Variants in NCKAP5 observed in about 807,000 individuals in gnomAD.
The protein encoded by NCKAP5 is NCK associated protein 5.
In NCKAP5, 92 loss-of-function variants were observed where a neutral mutation model predicts 167.0. The observed-to-expected ratio is 0.55, with a 90% CI of 0.47 to 0.66. The LOEUF (loss-of-function observed/expected upper bound fraction) is 0.66. NCKAP5 is among the 30% of genes least tolerant of loss of function. The pLI, the probability that NCKAP5 is intolerant of heterozygous loss-of-function variation, is 0.00. For missense variants in NCKAP5, 2,378 were observed against 2,315.0 expected, an observed-to-expected ratio of 1.03 and a Z score of -0.56; for synonymous variants, 891 against 877.4, an observed-to-expected ratio of 1.02 and a Z score of -0.27.
At chr2:133,283,750 A>T (rs889968203) in intron 4 of NCKAP5, among the ~76,000 whole-genome samples, 18 of 151,898 alleles carry the variant, frequency 1.2e-4, no homozygotes, top group African/African-American at 4.1e-4. Flanking sequence ...AGCTGGAATT[A>T]CAGGCACCTG....
chr2:132,680,066 G>A (rs1239118605), intron 19 of NCKAP5, among the ~76,000 whole-genome samples: 1 of 152,092 alleles, frequency 6.6e-6, no homozygotes, highest in Non-Finnish European at 1.5e-5. Context: ...GACCTTTGGT[G>A]ATCACTAGAG....
intron 19 of NCKAP5, among the ~76,000 whole-genome samples, chr2:132,711,535 A>G (rs932666320): frequency 1.3e-5 from 2 of 152,206 alleles, no homozygotes; most frequent in African/African-American, 4.8e-5. Context: ...ACCTTTTTGA[A>G]CATTTTCTAG....
chr2:132,984,952 A>T (rs1437373414), intron 7 of NCKAP5, among the ~76,000 whole-genome samples: 1 of 150,198 alleles, frequency 6.7e-6, no homozygotes, highest in African/African-American at 2.5e-5. Flanking sequence ...ACACTTACTA[A>T]AGGGCAACAT....
intron 16 of NCKAP5, among the ~76,000 whole-genome samples, chr2:132,757,481 C>T (rs1279908720): frequency 6.6e-6 from 1 of 152,158 alleles, no homozygotes; most frequent in Non-Finnish European, 1.5e-5. Context: ...TCTGGCACAT[C>T]CTCTTTGAAT....
intron 16 of NCKAP5, among the ~76,000 whole-genome samples, chr2:132,749,377 T>C (rs1273612044): frequency 6.6e-6 from 1 of 152,082 alleles, no homozygotes; most frequent in Non-Finnish European, 1.5e-5. Context: ...CTAATTTTTG[T>C]ATTTTTTGTA....
At chr2:133,518,516 G>A (rs1684211879) in intron 2 of NCKAP5, among the ~76,000 whole-genome samples, 1 of 150,702 alleles carries the variant, frequency 6.6e-6, no homozygotes, top group African/African-American at 2.4e-5. Context: ...CACCATGCCA[G>A]GCTGATTTTT....
chr2:133,360,804 T>A lies in NCKAP5; in HGVS notation c.70-57694A>T, dbSNP rs1685048969. On this transcript the variant is annotated intron_variant, in intron 3 of 19. Transcript: ENST00000409261. The stretch of plus-strand genomic sequence containing the variant: ...AGGGAGGAAAATAGGAGAACACTTT[T>A]GTAAGAATATAAAAGGAAAATAATA... Among the ~76,000 whole-genome samples, 3 of 151,998 alleles carry A rather than the reference T, an allele frequency of 2.0e-5. 1 individual carries two copies. In the South Asian group the frequency reaches 6.2e-4, roughly 32 times the overall value.
intron 8 of NCKAP5, among the ~76,000 whole-genome samples, chr2:132,938,487 T>C (rs13430725): frequency 0.046 from 7,053 of 152,242 alleles, 509 homozygotes; most frequent in African/African-American, 0.16. Context: ...TCTATGCCTG[T>C]CTGGCTACTG....
In NCKAP5 at chr2:133,135,649, C is replaced by T. The variant is rs140108375; in HGVS notation, c.208-5538G>A. The stretch of plus-strand genomic sequence containing the variant: ...AAATATAATAAATTAAATAATGCTA[C>T]CAGCTTTTAGTTTGTACCACACCAT... On this transcript the variant is annotated intron_variant, in intron 5 of 19. Coordinates refer to ENST00000409261, the MANE Select transcript of NCKAP5 (RefSeq NM_207363.3). 2.2e-3 allele frequency among the ~76,000 whole-genome samples: 341 copies of T among 151,900 alleles called. 4 individuals carry two copies. Among genetic ancestry groups the T allele is most frequent in the African/African-American group, 7.6e-3 (316 of 41,470 alleles).
At chr2:132,903,702 T>C (rs1236703830) in intron 8 of NCKAP5, among the ~76,000 whole-genome samples, 1 of 152,198 alleles carries the variant, frequency 6.6e-6, no homozygotes. Context: ...GTCTATCTTT[T>C]GGAGGGTTTT....
intron 5 of NCKAP5, among the ~76,000 whole-genome samples, chr2:133,209,158 A>G (rs2150153512): frequency 6.6e-6 from 1 of 152,058 alleles, no homozygotes; most frequent in African/African-American, 2.4e-5. Flanking sequence ...TTTTATGCAT[A>G]CCAATATTGA....
At position 132,831,922 on chromosome 2, in the gene NCKAP5, G is replaced by A. The variant is rs562694145; in HGVS notation, c.807+28570C>T. 1.2e-4 allele frequency among the ~76,000 whole-genome samples: 18 copies of A among 152,068 alleles called. No individual in the cohort carries two copies. In the East Asian group the frequency reaches 3.5e-3, roughly 29 times the overall value. ...ATGAATTTTTTAGAAATACATTGAT[G>A]AATCCCTATTGTTTCATCTATTGAT... On this transcript the variant is annotated intron_variant, in intron 11 of 19. Transcript: ENST00000409261.
At chr2:132,794,263 T>TATAG (rs762281677) in intron 12 of NCKAP5, among the ~76,000 whole-genome samples, 11 of 11,918 alleles carry the variant, frequency 9.2e-4, no homozygotes, top group East Asian at 2.8e-3. Flanking sequence ...TATATATATA[T>TATAG]AGAGAGAGAG....
At chr2:133,238,774 C>T (rs1475667543) in intron 4 of NCKAP5, among the ~76,000 whole-genome samples, 1 of 152,168 alleles carries the variant, frequency 6.6e-6, no homozygotes, top group Non-Finnish European at 1.5e-5. Context: ...TTTGAAAAAA[C>T]ATTTCAAGTA....
At chr2:133,482,909 C>T (rs1357450833) in intron 3 of NCKAP5, among the ~76,000 whole-genome samples, 2 of 152,104 alleles carry the variant, frequency 1.3e-5, no homozygotes, top group African/African-American at 4.8e-5. Flanking sequence ...TCCTGTGATA[C>T]AGTTTTCTCT....
intron 5 of NCKAP5, among the ~76,000 whole-genome samples, chr2:133,202,380 ATT>A (rs2085735795): frequency 6.6e-6 from 1 of 152,218 alleles, no homozygotes; most frequent in Non-Finnish European, 1.5e-5. Context: ...TTATACAAAA[ATT>A]AATTCAAAAT....
chr2:133,628,021 C>A, the NCKAP5 span, among the ~76,000 whole-genome samples: 1 of 152,136 alleles, frequency 6.6e-6, no homozygotes, highest in Non-Finnish European at 1.5e-5. Context: ...TTATGACAAA[C>A]CCACAACCAA....
In NCKAP5 at chr2:132,790,249, A is replaced by G. The variant is rs753222914; in HGVS notation, c.910-44T>C. ...TCTGAGCAAGGGCTTTGCTCAGAGG[A>G]GAGTAAATATCAACACAACCTTATG... is the stretch of plus-strand genomic sequence containing the variant. On this transcript the variant is annotated intron_variant, in intron 12 of 19. Coordinates refer to ENST00000409261, the MANE Select transcript of NCKAP5 (RefSeq NM_207363.3). 5.2e-6 allele frequency: 8 copies of G among 1,538,722 alleles called. No individual in the cohort carries two copies. In the African/African-American group the frequency reaches 1.1e-4, roughly 21 times the overall value.
At chr2:133,215,752 G>A (rs1179968825) in intron 4 of NCKAP5, among the ~76,000 whole-genome samples, 1 of 151,984 alleles carries the variant, frequency 6.6e-6, no homozygotes, top group Non-Finnish European at 1.5e-5. Context: ...TATATAAAGT[G>A]CAAATAGAAG....
Sources: gnomAD v4.1 joint callset for allele counts (sites outside exome capture counted in the v4.1 genomes callset) on GRCh38, gnomAD v4.1.1 for gene constraint, MANE v1.5 for transcripts, NCBI Gene and HGNC (gene_info 2026-07-23, HGNC 2026-07-21) for gene names.